The following ACTR3C variants were observed in gnomAD, a reference collection of about 807,000 sequenced individuals.
The protein encoded by ACTR3C is actin-related protein 3C.
ACTR3C carries 18 observed loss-of-function variants against 26.3 expected under a neutral mutation model. The observed-to-expected ratio is 0.68, with a 90% confidence interval of 0.47 to 1.01. The LOEUF (loss-of-function observed/expected upper bound fraction) is 1.01. Among genes scored for constraint, ACTR3C ranks in the 50% least tolerant of loss-of-function variants. The pLI is 0.00. For synonymous variants in ACTR3C, 55 were observed against 94.5 expected (o/e 0.58, Z 2.42); for missense variants, 184 against 250.7 (o/e 0.73, Z 1.80).
chr7:150,207,971 T>A, the ACTR3C span, among the ~76,000 whole-genome samples: 2 of 151,982 alleles, frequency 1.3e-5, no homozygotes, highest in Non-Finnish European at 2.9e-5. Context: ...TCACTTCTAG[T>A]CAAAATAGAG....
At chr7:149,937,313 G>A in the ACTR3C span, among the ~76,000 whole-genome samples, 14 of 145,734 alleles carry the variant, frequency 9.6e-5, no homozygotes, top group African/African-American at 2.6e-4. Context: ...TGTTAGAGGC[G>A]GAGGCTTTAT....
At chr7:150,246,247 T>C (rs1361369567), downstream of ACTR3C, 1 of 152,214 alleles carries the variant, frequency 6.6e-6, no homozygotes, top group Non-Finnish European at 1.5e-5. Context: ...GTTGGCTGTG[T>C]GTTTCTGCCT....
chr7:150,210,249 G>A, the ACTR3C span, among the ~76,000 whole-genome samples: 1 of 149,422 alleles, frequency 6.7e-6, no homozygotes, highest in Non-Finnish European at 1.5e-5. Context: ...GGGGGAACCG[G>A]AAGCCTCAGA....
At chr7:150,032,741 T>C in the ACTR3C span, among the ~76,000 whole-genome samples, 1 of 152,156 alleles carries the variant, frequency 6.6e-6, no homozygotes, top group Non-Finnish European at 1.5e-5. Context: ...TCTTCAGTTC[T>C]AAAGAACAAT....
chr7:150,121,752 C>G, the ACTR3C span, among the ~76,000 whole-genome samples: 8 of 151,208 alleles, frequency 5.3e-5, no homozygotes, highest in South Asian at 2.1e-4. Flanking sequence ...CATATGGAAC[C>G]GAAAAAAGAG....
chr7:150,223,650 T>G, the ACTR3C span, among the ~76,000 whole-genome samples: 7 of 152,016 alleles, frequency 4.6e-5, no homozygotes, highest in African/African-American at 1.7e-4. Flanking sequence ...GTTCCTGAAC[T>G]AACGAGTTAC....
chr7:150,258,187 A>G (rs546490566), intron 6 of ACTR3C, among the ~76,000 whole-genome samples: 2 of 150,086 alleles, frequency 1.3e-5, no homozygotes, highest in African/African-American at 4.9e-5. Context: ...GTTCCTGCTC[A>G]GTTGCCAGAC....
At chr7:150,004,096 G>A in the ACTR3C span, among the ~76,000 whole-genome samples, 11 of 145,688 alleles carry the variant, frequency 7.6e-5, no homozygotes, top group South Asian at 6.2e-4. Context: ...GCTGTGTGTC[G>A]TGTGTATGGT....
chr7:150,116,513 G>C, the ACTR3C span, among the ~76,000 whole-genome samples: 3 of 152,146 alleles, frequency 2.0e-5, no homozygotes, highest in African/African-American at 7.2e-5. Context: ...TGCAATAAAG[G>C]TTTCTTGAAC....
chr7:149,977,545 T>C, the ACTR3C span, among the ~76,000 whole-genome samples: 4,838 of 152,226 alleles, frequency 0.032, 194 homozygotes, highest in African/African-American at 0.094. Context: ...TTAACTGGAT[T>C]CTGCAGGCGG....
chr7:149,938,571 A>G, the ACTR3C span, among the ~76,000 whole-genome samples: 1 of 152,178 alleles, frequency 6.6e-6, no homozygotes, highest in Non-Finnish European at 1.5e-5. Flanking sequence ...ATTAAAATAA[A>G]TGGAAAAAAG....
the ACTR3C span, chr7:150,001,855 T>C: frequency 6.6e-6 from 1 of 151,194 alleles, no homozygotes; most frequent in East Asian, 1.9e-4. Flanking sequence ...CCCAGGAAGA[T>C]GTAGAAAGTA....
chr7:150,084,661 GA>G, the ACTR3C span, among the ~76,000 whole-genome samples: 1 of 152,076 alleles, frequency 6.6e-6, no homozygotes, highest in Non-Finnish European at 1.5e-5. Context: ...GAGTGTGCAG[GA>G]AAAAGGGGTC....
At chr7:150,059,668 A>G in the ACTR3C span, among the ~76,000 whole-genome samples, 2 of 151,954 alleles carry the variant, frequency 1.3e-5, no homozygotes, top group African/African-American at 4.8e-5. Context: ...TAACACTCTT[A>G]TGTTTATCTG....
chr7:150,040,599 T>G, the ACTR3C span: 140 of 147,616 alleles, frequency 9.5e-4, 2 homozygotes, highest in African/African-American at 3.6e-3. Context: ...TAACCTGCTT[T>G]CTTTCTGTTC....
chr7:150,198,930 T>TGG, the ACTR3C span, among the ~76,000 whole-genome samples: 1 of 76,544 alleles, frequency 1.3e-5, no homozygotes, highest in Non-Finnish European at 2.6e-5. Flanking sequence ...GGGAGGGAGG[T>TGG]GGGGGGGTCA....
chr7:149,965,256 A>G, the ACTR3C span, among the ~76,000 whole-genome samples: 1 of 126,670 alleles, frequency 7.9e-6, no homozygotes, highest in African/African-American at 3.0e-5. Context: ...TAAGAAACAT[A>G]GCTTCCTAGT....
At chr7:150,157,832 C>T in the ACTR3C span, among the ~76,000 whole-genome samples, 1 of 152,206 alleles carries the variant, frequency 6.6e-6, no homozygotes, top group Admixed American at 6.5e-5. Flanking sequence ...CTTTGAGCAT[C>T]TGTCCATGCT....
the ACTR3C span, among the ~76,000 whole-genome samples, chr7:149,985,223 C>CAT: frequency 7.3e-3 from 1,034 of 140,740 alleles, 13 homozygotes; most frequent in African/African-American, 0.025. Flanking sequence ...CACACACACA[C>CAT]ACACACACAC....
Sources: allele counts gnomAD v4.1 joint callset (sites outside exome capture counted in the v4.1 genomes callset), GRCh38; gene constraint gnomAD v4.1.1; transcripts MANE v1.5; gene names NCBI Gene and HGNC (gene_info 2026-07-23, HGNC 2026-07-21).